Variants in BRINP3 observed in about 807,000 individuals in gnomAD.
BRINP3 encodes the protein BMP/retinoic acid-inducible neural-specific protein 3.
A neutral mutation model predicts 71.0 loss-of-function variants in BRINP3; 19 were observed. The observed-to-expected ratio is 0.27, with a 90% CI of 0.19 to 0.39. The LOEUF (loss-of-function observed/expected upper bound fraction) is 0.39. Ranked by LOEUF, BRINP3 falls within the 10% of genes least tolerant of loss-of-function variation. The probability of loss-of-function intolerance (pLI) is 1.00; values close to 1 mark genes in which losing one functional copy is unlikely to be tolerated. For missense variants in BRINP3, 959 were observed against 940.8 expected, an observed-to-expected ratio of 1.02 and a Z score of -0.25; for synonymous variants, 380 against 337.7, an observed-to-expected ratio of 1.13 and a Z score of -1.37.
intron 6 of BRINP3, among the ~76,000 whole-genome samples, chr1:190,209,721 C>T (rs1184805978): frequency 3.3e-5 from 5 of 152,036 alleles, no homozygotes; most frequent in Non-Finnish European, 7.4e-5. Flanking sequence ...TATATCTTGA[C>T]TTTGAATTAA....
At chr1:190,145,888 T>C (rs113512631) in intron 7 of BRINP3, among the ~76,000 whole-genome samples, 2,503 of 152,280 alleles carry the variant, frequency 0.016, 58 homozygotes, top group African/African-American at 0.057. Context: ...AGGAATAGAA[T>C]AATGTCTTTT....
intron 7 of BRINP3, among the ~76,000 whole-genome samples, chr1:190,142,732 TA>T (rs1455765008): frequency 6.6e-6 from 1 of 151,248 alleles, no homozygotes; most frequent in Non-Finnish European, 1.5e-5. Flanking sequence ...AACTTTCAAA[TA>T]AAAAAATTAA....
At chr1:190,436,177 T>G (rs922718226) in intron 2 of BRINP3, among the ~76,000 whole-genome samples, 1 of 151,936 alleles carries the variant, frequency 6.6e-6, no homozygotes, top group African/African-American at 2.4e-5. Context: ...TATATCCTAT[T>G]TTTAAAATTA....
chr1:190,198,252 C>A (rs1180175465), intron 6 of BRINP3, among the ~76,000 whole-genome samples: 1 of 152,162 alleles, frequency 6.6e-6, no homozygotes, highest in Non-Finnish European at 1.5e-5. Flanking sequence ...ATAGGAGAGA[C>A]TGCTGTGAAA....
At chr1:190,110,284 T>A (rs1197370929) in intron 7 of BRINP3, among the ~76,000 whole-genome samples, 1 of 152,156 alleles carries the variant, frequency 6.6e-6, no homozygotes, top group Non-Finnish European at 1.5e-5. Flanking sequence ...TCAACCACTC[T>A]ATTATCTATC....
At chr1:190,132,841 T>C (rs989796107) in intron 7 of BRINP3, among the ~76,000 whole-genome samples, 6 of 152,096 alleles carry the variant, frequency 3.9e-5, no homozygotes, top group African/African-American at 1.4e-4. Flanking sequence ...ATAAAAGGTT[T>C]TGTGTTTTCC....
chr1:190,177,690 T>C (rs1245916109), intron 6 of BRINP3, among the ~76,000 whole-genome samples: 1 of 152,174 alleles, frequency 6.6e-6, no homozygotes, highest in Non-Finnish European at 1.5e-5. Context: ...AACCAAAATT[T>C]ATAATTAATT....
chr1:190,156,987 A>G (rs553457306), intron 7 of BRINP3, among the ~76,000 whole-genome samples: 1 of 151,990 alleles, frequency 6.6e-6, no homozygotes, highest in African/African-American at 2.4e-5. Context: ...TGTGGCTTCC[A>G]TGATATATTT....
intron 2 of BRINP3, among the ~76,000 whole-genome samples, chr1:190,411,234 C>T (rs1315853019): frequency 4.0e-5 from 6 of 151,836 alleles, no homozygotes; most frequent in Non-Finnish European, 2.9e-5. Flanking sequence ...TAGAGGACAA[C>T]GGGATATTTA....
chr1:190,395,699 G>C (rs1022843060), intron 2 of BRINP3, among the ~76,000 whole-genome samples: 5 of 151,696 alleles, frequency 3.3e-5, no homozygotes, highest in Admixed American at 6.6e-5. Flanking sequence ...TTCAACTTCA[G>C]TCTTTGCCTC....
At chr1:190,300,548 C>T (rs1042007226) in intron 2 of BRINP3, among the ~76,000 whole-genome samples, 2 of 152,128 alleles carry the variant, frequency 1.3e-5, no homozygotes, top group East Asian at 3.9e-4. Flanking sequence ...TTGAAGAGAG[C>T]AGTGGTTCTC....
Position 190,097,915 on chromosome 1 carries a change from A to G in BRINP3, c.*103T>C, listed in dbSNP as rs1329649147. On this transcript the variant is annotated 3_prime_UTR_variant, in exon 8 of 8. Transcript: ENST00000367462. ...AATGTTATTGACTGATATAAGACAG[A>G]TATTGAAAAGACAATTTAAATTTAC... 15 of 1,241,776 alleles carry G rather than the reference A, an allele frequency of 1.2e-5. No individual in the cohort carries two copies. Among genetic ancestry groups the G allele is most frequent in the Non-Finnish European group, 1.5e-5 (13 of 896,040 alleles). The allele number at this position is 1,241,776 out of a possible 1,614,324, so 76.9% of individuals were successfully genotyped here.
rs541268408 is a variant in BRINP3 at position 190,283,628 on chromosome 1, G to T, written c.237-1878C>A. On this transcript the variant is annotated intron_variant, in intron 2 of 7. Transcript: ENST00000367462. ...TTGTAGGTACATAATGTATGTATAT[G>T]TATAATATATAAAATATATAATATT... Among the ~76,000 whole-genome samples the T allele has an allele frequency of 4.8e-4, 71 of 148,282 alleles. 3 individuals are homozygous for T. In the East Asian group the frequency reaches 0.013, roughly 27 times the overall value.
At chr1:190,447,329 A>T (rs1481710051) in intron 2 of BRINP3, among the ~76,000 whole-genome samples, 1 of 146,872 alleles carries the variant, frequency 6.8e-6, no homozygotes, top group Non-Finnish European at 1.5e-5. Context: ...TAATTTTTTT[A>T]ACCAACATTT....
At chr1:190,434,995 G>T (rs746372084) in intron 2 of BRINP3, among the ~76,000 whole-genome samples, 10 of 152,088 alleles carry the variant, frequency 6.6e-5, no homozygotes, top group Non-Finnish European at 1.3e-4. Flanking sequence ...ACTTCATGCT[G>T]CTTCATGATG....
intron 2 of BRINP3, among the ~76,000 whole-genome samples, chr1:190,451,234 A>T (rs757966865): frequency 6.6e-6 from 1 of 152,156 alleles, no homozygotes; most frequent in Non-Finnish European, 1.5e-5. Flanking sequence ...AGATTTACCT[A>T]TGTGAAATGT....
intron 1 of BRINP3, among the ~76,000 whole-genome samples, chr1:190,459,550 G>C (rs1297457560): frequency 1.3e-5 from 2 of 151,948 alleles, no homozygotes; most frequent in Non-Finnish European, 2.9e-5. Flanking sequence ...ATCCTTTAAA[G>C]TGGTGGGTCA....
intron 7 of BRINP3, among the ~76,000 whole-genome samples, chr1:190,149,420 G>T (rs1305569639): frequency 6.6e-6 from 1 of 152,172 alleles, no homozygotes; most frequent in Non-Finnish European, 1.5e-5. Flanking sequence ...ATTGATGAAT[G>T]ATTTAATAAT....
At chr1:190,139,991 T>C (rs1655298725) in intron 7 of BRINP3, among the ~76,000 whole-genome samples, 1 of 152,138 alleles carries the variant, frequency 6.6e-6, no homozygotes, top group African/African-American at 2.4e-5. Context: ...TTGAGAAATA[T>C]TGAATTCCAA....
Sources: allele counts gnomAD v4.1 joint callset (sites outside exome capture counted in the v4.1 genomes callset), GRCh38; gene constraint gnomAD v4.1.1; transcripts MANE v1.5; gene names NCBI Gene and HGNC (gene_info 2026-07-23, HGNC 2026-07-21).